UXS1: variants seen among roughly 807,000 people sequenced by gnomAD.
UXS1 encodes UDP-glucuronic acid decarboxylase 1.
In UXS1, 33 loss-of-function variants were observed where a neutral mutation model predicts 62.6. The ratio of observed to expected loss-of-function variants is 0.53; its 90% CI spans 0.40 to 0.70. UXS1 has a LOEUF of 0.70. Ranked by LOEUF, UXS1 falls within the 30% of genes least tolerant of loss-of-function variation. UXS1 has a pLI of 0.00. For missense variants in UXS1, 434 were observed against 556.3 expected, an observed-to-expected ratio of 0.78 and a Z score of 2.21; for synonymous variants, 213 against 206.8, an observed-to-expected ratio of 1.03 and a Z score of -0.26.
chr2:106,155,098 A>G (rs1682333178), intron 5 of UXS1, among the ~76,000 whole-genome samples: 1 of 152,148 alleles, frequency 6.6e-6, no homozygotes, highest in African/African-American at 2.4e-5. Context: ...TGGGGTGTGC[A>G]CCAAGCCATT....
chr2:106,151,884 G>C (rs892253206), intron 5 of UXS1, among the ~76,000 whole-genome samples: 10 of 152,150 alleles, frequency 6.6e-5, no homozygotes, highest in African/African-American at 2.4e-4. Context: ...ATAACTTCCA[G>C]AAGAACAGAG....
chr2:106,126,491 G>A (rs2104936473), intron 7 of UXS1, among the ~76,000 whole-genome samples: 1 of 152,032 alleles, frequency 6.6e-6, no homozygotes, highest in Admixed American at 6.6e-5. Flanking sequence ...ACATGCCCAC[G>A]AAGCACTGCT....
intron 9 of UXS1, among the ~76,000 whole-genome samples, chr2:106,118,688 C>A (rs1056701574): frequency 1.3e-5 from 2 of 152,112 alleles, no homozygotes; most frequent in African/African-American, 4.8e-5. Context: ...GTAGATTTTT[C>A]TGGAAAGTAA....
chr2:106,131,232 C>T (rs80010862), intron 6 of UXS1, among the ~76,000 whole-genome samples: 36,181 of 148,114 alleles, frequency 0.24, 4,677 homozygotes, highest in Non-Finnish European at 0.3. Flanking sequence ...AGACTATATC[C>T]CACACCTGGC....
chr2:106,178,557 GGTGT>G (rs1200305159), intron 1 of UXS1, among the ~76,000 whole-genome samples: 3 of 150,532 alleles, frequency 2.0e-5, no homozygotes, highest in Admixed American at 6.6e-5. Flanking sequence ...TATACAAGTG[GGTGT>G]GTGTGTGTAT....
chr2:106,176,794 C>T (rs569007430), intron 1 of UXS1, among the ~76,000 whole-genome samples: 6 of 152,324 alleles, frequency 3.9e-5, no homozygotes, highest in Non-Finnish European at 7.3e-5. Context: ...AAGCAAAGGG[C>T]GCTTGCTTAT....
rs775117759 is a variant in UXS1 at position 106,094,116 on chromosome 2, G to A, written c.1188C>T (p.Phe396=). 8.1e-6 allele frequency: 13 copies of A among 1,612,588 alleles called. No homozygotes were observed. In the East Asian group the frequency reaches 1.1e-4, roughly 14 times the overall value. Residue 396 remains phenylalanine, a synonymous_variant, in exon 15 of 15, where the codon TTC becomes TTT. Coordinates refer to ENST00000283148, the MANE Select transcript of UXS1 (RefSeq NM_001253875.2). ...EEGLNKAIHY[F]RKELEYQANN... is the part of the protein sequence containing the mutation. ...TTGCCTGGTACTCGAGTTCTTTACG[G>A]AAGTAGTGAATTGCTTTGTTTAAAC...
At chr2:106,147,029 T>C (rs1681634618) in intron 5 of UXS1, among the ~76,000 whole-genome samples, 1 of 151,888 alleles carries the variant, frequency 6.6e-6, no homozygotes, top group East Asian at 2.0e-4. Context: ...TAATCCCAGC[T>C]ACTATGGTGG....
intron 12 of UXS1, among the ~76,000 whole-genome samples, chr2:106,100,153 T>C (rs1395720336): frequency 2.0e-5 from 3 of 152,186 alleles, no homozygotes; most frequent in Non-Finnish European, 4.4e-5. Flanking sequence ...CTCTGTGAGC[T>C]AAGAGGTTCT....
At chr2:106,152,868 G>A (rs975057978) in intron 5 of UXS1, among the ~76,000 whole-genome samples, 1 of 128,398 alleles carries the variant, frequency 7.8e-6, no homozygotes. Flanking sequence ...GCCAAGAGGG[G>A]CAAGGAAAAA....
chr2:106,152,580 GGAAAGAAAGA>G lies in UXS1; in HGVS notation c.291+5468_291+5477del, dbSNP rs1204915170. On this transcript the variant is annotated intron_variant, in intron 5 of 14. Transcript: ENST00000283148. ...AAAGAAAGGAAGGAAAGGAAGGAAAGGAAAGAAAGAAAAGAAAAGAAAAAAGAAGAGAAAA... is the reference window on the plus strand; with the variant it reads ...AAAGAAAGGAAGGAAAGGAAGGAAAGAAAGAAAAGAAAAAAGAAGAGAAAA... 1.0e-3 allele frequency among the ~76,000 whole-genome samples: 144 copies of G among 144,012 alleles called. 2 individuals carry two copies. The highest frequency in any genetic ancestry group is 3.5e-3 in the African/African-American group (137 of 38,942). The allele number at this position is 144,012 out of a possible 152,430, so 94.5% of individuals were successfully genotyped here. A position where few individuals can be genotyped will look rare whatever the true frequency, so the allele number is the denominator to read the frequency against.
intron 11 of UXS1, chr2:106,102,304 G>C (rs1006205450): frequency 6.6e-6 from 1 of 152,066 alleles, no homozygotes; most frequent in African/African-American, 2.4e-5. Context: ...TTTATAAAAA[G>C]ACATTAAAAG....
At chr2:106,108,886 T>C (rs1182535186) in intron 10 of UXS1, among the ~76,000 whole-genome samples, 1 of 152,190 alleles carries the variant, frequency 6.6e-6, no homozygotes, top group Non-Finnish European at 1.5e-5. Flanking sequence ...GTGCACTTCC[T>C]TGTAAAATGT....
intron 1 of UXS1, among the ~76,000 whole-genome samples, chr2:106,168,337 G>T (rs143495841): frequency 6.6e-6 from 1 of 152,306 alleles, no homozygotes; most frequent in East Asian, 1.9e-4. Flanking sequence ...ACGTCAGGAA[G>T]TTACCTATAT....
chr2:106,194,224 C>T lies in UXS1; in HGVS notation c.18G>A (p.Leu6=), dbSNP rs544109654. Residue 6 remains leucine, a synonymous_variant, in exon 1 of 15, where the codon CTG becomes CTA. Transcript: ENST00000283148. MVSKA[L]LRLVSAVNRR... is the part of the protein sequence containing the mutation. ...GGTTGACGGCAGACACGAGGCGCAG[C>T]AGCGCCTTGCTCACCATCCCCGGGA... 1.4e-5 allele frequency: 20 copies of T among 1,457,342 alleles called. No homozygotes were observed. Among genetic ancestry groups the T allele is most frequent in the East Asian group, 3.1e-5 (1 of 32,000 alleles). 90.3% of individuals were successfully genotyped at this position (1,457,342 alleles called of 1,614,324 possible).
At chr2:106,169,823 C>CA (rs1683431924) in intron 1 of UXS1, among the ~76,000 whole-genome samples, 1 of 152,178 alleles carries the variant, frequency 6.6e-6, no homozygotes, top group Non-Finnish European at 1.5e-5. Flanking sequence ...GCCCTTTCCC[C>CA]TTGCCCACTG....
intron 10 of UXS1, among the ~76,000 whole-genome samples, chr2:106,111,330 CAG>C (rs1558685675): frequency 1.3e-5 from 2 of 152,268 alleles, no homozygotes; most frequent in East Asian, 3.9e-4. Context: ...CACTTAGTGA[CAG>C]GGGGAGGTGG....
intron 9 of UXS1, among the ~76,000 whole-genome samples, chr2:106,115,762 AG>A (rs745654064): frequency 4.6e-5 from 7 of 152,230 alleles, no homozygotes; most frequent in Non-Finnish European, 8.8e-5. Flanking sequence ...CCTACAACAC[AG>A]GGGTTAAAAC....
Position 106,166,070 on chromosome 2 carries a change from G to A in UXS1, c.108C>T (p.Asn36=). The A allele has an allele frequency of 1.9e-6, 3 of 1,611,014 alleles. No homozygotes were observed. Among genetic ancestry groups the A allele is most frequent in the Non-Finnish European group, 2.5e-6 (3 of 1,178,874 alleles). ...AAAACAATTACCTCATATTAACGAAGTTGCCCCAAACAGCTGTAAGAGAAA... is the reference window on the plus strand; with the variant it reads ...AAAACAATTACCTCATATTAACGAAATTGCCCCAAACAGCTGTAAGAGAAA... ...LLAYVASVWG[N]FVNMSFLLNR... is the part of the protein sequence containing the mutation. The change falls in exon 2 of 15, where the codon AAC becomes AAT. Residue 36 remains asparagine (N), a synonymous_variant. Transcript: ENST00000283148.
Sources: gnomAD v4.1 joint callset for allele counts (sites outside exome capture counted in the v4.1 genomes callset) on GRCh38, gnomAD v4.1.1 for gene constraint, MANE v1.5 for transcripts, NCBI Gene and HGNC (gene_info 2026-07-23, HGNC 2026-07-21) for gene names.